Variants in SEC14L3 observed in about 807,000 individuals in gnomAD.
The protein encoded by SEC14L3 is SEC14 like lipid binding 3, also known as SEC14-like protein 3.
In SEC14L3, 56 loss-of-function variants were observed where a neutral mutation model predicts 57.4. The observed-to-expected ratio is 0.97, with a 90% CI of 0.79 to 1.22. The LOEUF is 1.22. Ranked by LOEUF, SEC14L3 falls within the 50% of genes most tolerant of loss-of-function variation. SEC14L3 has a pLI of 0.00. For synonymous variants in SEC14L3, 173 were observed against 194.4 expected (o/e 0.89, Z 0.92); for missense variants, 485 against 511.7 (o/e 0.95, Z 0.50).
At chr22:30,463,989 CTTATT>C (rs1229220880) in intron 8 of SEC14L3, among the ~76,000 whole-genome samples, 1 of 152,058 alleles carries the variant, frequency 6.6e-6, no homozygotes, top group Non-Finnish European at 1.5e-5. Context: ...TTAGTTTAAT[CTTATT>C]TTAGTTTATG....
At chr22:30,468,909 C>T (rs1881025206) in intron 4 of SEC14L3, 2 of 1,511,816 alleles carry the variant, frequency 1.3e-6, no homozygotes, top group South Asian at 2.6e-5. Flanking sequence ...CAGGTCTCAG[C>T]AGGCCCTTGG....
At chr22:30,455,112 T>TAATATTTAATATATTA (rs1935090547), downstream of SEC14L3, among the ~76,000 whole-genome samples, 1 of 59,220 alleles carries the variant, frequency 1.7e-5, no homozygotes, top group Non-Finnish European at 2.8e-5. Flanking sequence ...ATTTAATATT[T>TAATATTTAATATATTA]AATATTTAAT....
At chr22:30,456,314 A>AC (rs1935119396), downstream of SEC14L3, among the ~76,000 whole-genome samples, 1 of 151,612 alleles carries the variant, frequency 6.6e-6, no homozygotes, top group African/African-American at 2.4e-5. Context: ...AAAAAAAAAA[A>AC]AAAACAAACA....
chr22:30,460,202 C>A, intron 11 of SEC14L3, 60 bp from the exon 12 acceptor site: 1 of 1,588,488 alleles, frequency 6.3e-7, no homozygotes, highest in Non-Finnish European at 8.6e-7. Context: ...TTTTTCCACC[C>A]CTGGCCATGG....
chr22:30,457,377 CTTTTTTT>C (rs60894978), downstream of SEC14L3, among the ~76,000 whole-genome samples: 33 of 136,632 alleles, frequency 2.4e-4, 1 homozygote, highest in African/African-American at 2.4e-4. Flanking sequence ...TTAAGTATGT[CTTTTTTT>C]TTTTTTTTTT....
At chr22:30,449,337 T>A in intron 12 of SEC14L3, 1 of 1,445,478 alleles carries the variant, frequency 6.9e-7, no homozygotes, top group Non-Finnish European at 9.3e-7. Context: ...AGGCATATGC[T>A]AAGTTAGTGT....
intron 4 of SEC14L3, 47 bp downstream of exon 4, chr22:30,469,972 A>G (rs1283120011): frequency 7.1e-7 from 1 of 1,410,740 alleles, no homozygotes; most frequent in Admixed American, 2.2e-5. Context: ...AGTGACCTTG[A>G]GTGGTACGTC....
At chr22:30,448,560 T>A (rs1934920523) in exon 13 of SEC14L3, 1 of 100,008 alleles carries the variant, frequency 1.0e-5, no homozygotes, top group African/African-American at 4.4e-5. Flanking sequence ...ATGCCTTACA[T>A]TCTCCTAAAA....
intron 12 of SEC14L3, among the ~76,000 whole-genome samples, chr22:30,453,732 G>A (rs1374240471): frequency 2.6e-5 from 4 of 152,188 alleles, no homozygotes; most frequent in Admixed American, 6.5e-5. Flanking sequence ...TTTAGCAGCT[G>A]AACACAGGCC....
rs143446006 is a variant in SEC14L3 at position 30,460,071 on chromosome 22, G to T, written c.1153C>A (p.Leu385Ile). The change falls in exon 12 of 12, where the codon CTC becomes ATC. Residue 385 changes from leucine to isoleucine, a missense_variant. Coordinates refer to ENST00000215812, the MANE Select transcript of SEC14L3 (RefSeq NM_174975.5). ...KKVSFTVEVL[L>I]PDEGMQKYDK... Reference sequence around the variant, plus strand: ...TATTTCTGCATGCCCTCGTCAGGGAGCAGGACCTCCACTGTGAAGCTGACC... The same window carrying T: ...TATTTCTGCATGCCCTCGTCAGGGATCAGGACCTCCACTGTGAAGCTGACC... 1.1e-5 allele frequency: 17 copies of T among 1,614,068 alleles called. No homozygotes were observed. The highest frequency in any genetic ancestry group is 1.4e-5 in the Non-Finnish European group (17 of 1,180,026).
downstream of SEC14L3, among the ~76,000 whole-genome samples, chr22:30,456,319 C>T (rs892437669): frequency 7.9e-5 from 9 of 113,282 alleles, no homozygotes; most frequent in Admixed American, 7.8e-4. Context: ...AAAAAAAAAA[C>T]AAACACCAAA....
chr22:30,469,037 G>T, intron 4 of SEC14L3: 1 of 1,233,230 alleles, frequency 8.1e-7, no homozygotes, highest in Non-Finnish European at 1.1e-6. Context: ...ACAGACACTG[G>T]CTGGGCATGG....
downstream of SEC14L3, among the ~76,000 whole-genome samples, chr22:30,458,730 G>A (rs1005685170): frequency 3.9e-5 from 6 of 152,100 alleles, no homozygotes; most frequent in Non-Finnish European, 7.4e-5. Flanking sequence ...GCAAAAACAG[G>A]CCAGGCATGG....
At chr22:30,449,785 G>A (rs572121902) in intron 12 of SEC14L3, among the ~76,000 whole-genome samples, 8 of 152,096 alleles carry the variant, frequency 5.3e-5, no homozygotes, top group African/African-American at 1.7e-4. Flanking sequence ...GGCTTGTCTC[G>A]AACTCCTGGC....
Position 30,459,428 on chromosome 22 carries a change from A to G in SEC14L3, c.*593T>C, listed in dbSNP as rs1365322958. 3 of 985,322 alleles carry G rather than the reference A, an allele frequency of 3.0e-6. No homozygotes were observed. The East Asian group carries it at 3.4e-4, about 112-fold the overall frequency. The allele number at this position is 985,322 out of a possible 1,614,324, so 61.0% of individuals were successfully genotyped here. ...TGGCTGGGGCCCTCAAAAGACAGCC[A>G]CTGCCAGAAATCTGGAGACTGAATT... On this transcript the variant is annotated 3_prime_UTR_variant, in exon 12 of 12. Coordinates refer to ENST00000215812, the MANE Select transcript of SEC14L3 (RefSeq NM_174975.5).
chr22:30,466,536 G>T, intron 6 of SEC14L3, 142 bp from the exon 7 acceptor site: 1 of 903,524 alleles, frequency 1.1e-6, no homozygotes, highest in Non-Finnish European at 1.7e-6. Flanking sequence ...CCTCTGGAGG[G>T]AACCTTCTCA....
At chr22:30,464,757 A>G (rs933714497) in intron 8 of SEC14L3, 63 bp downstream of exon 8, 15 of 1,486,768 alleles carry the variant, frequency 1.0e-5, no homozygotes, top group Non-Finnish European at 1.4e-5. Context: ...AGATGGGGTA[A>G]TGGGACAACC....
At chr22:30,452,144 C>T (rs76187555) in intron 12 of SEC14L3, among the ~76,000 whole-genome samples, 9,496 of 151,800 alleles carry the variant, frequency 0.063, 413 homozygotes, top group South Asian at 0.14. Context: ...GAATTTCCAC[C>T]GCGTGTTTCA....
At position 30,470,197 on chromosome 22, in the gene SEC14L3, G is replaced by C. The variant is rs368037462; in HGVS notation, c.174+15C>G. On this transcript the variant is annotated intron_variant, in intron 3 of 11. Transcript: ENST00000215812. ...CAAATCCCCTCCATAAATTTCCAGAGTGGATAGGTCTCACCTTGCGGAGCA... is the reference window on the plus strand; with the variant it reads ...CAAATCCCCTCCATAAATTTCCAGACTGGATAGGTCTCACCTTGCGGAGCA... 1 of 1,614,114 alleles carries C rather than the reference G, an allele frequency of 6.2e-7. No homozygotes were observed. The highest frequency in any genetic ancestry group is 1.1e-5 in the South Asian group (1 of 91,076).
Sources: gnomAD v4.1 joint callset for allele counts (sites outside exome capture counted in the v4.1 genomes callset) on GRCh38, gnomAD v4.1.1 for gene constraint, MANE v1.5 for transcripts, NCBI Gene and HGNC (gene_info 2026-07-23, HGNC 2026-07-21) for gene names.